Variants in LSM5 observed in about 807,000 individuals in gnomAD.
The protein encoded by LSM5 is U6 snRNA-associated Sm-like protein LSm5.
In LSM5, 8 loss-of-function variants were observed where a neutral mutation model predicts 13.8. The ratio of observed to expected loss-of-function variants is 0.58; its 90% confidence interval spans 0.34 to 1.04. The LOEUF (loss-of-function observed/expected upper bound fraction) is 1.04, where lower values mean the gene tolerates loss of function less well. LSM5 is among the 50% of genes least tolerant of loss of function. The pLI is 0.03. For missense variants in LSM5, 80 were observed against 108.1 expected (o/e 0.74, Z 1.15); for synonymous variants, 35 against 37.0 (o/e 0.95, Z 0.20).
In LSM5 at chr7:32,487,266, C is replaced by A; in HGVS notation, c.271G>T (p.Val91Leu). 1 of 1,613,808 alleles carries A rather than the reference C, an allele frequency of 6.2e-7. No homozygotes were observed. Residue 91 changes from valine to leucine, a missense_variant, in exon 5 of 5, where the codon GTG (valine) becomes TTG (leucine). By Grantham distance (32) the Val-to-Leu change is conservative. Coordinates refer to ENST00000450169, the MANE Select transcript of LSM5 (RefSeq NM_012322.3). ...TGTAAGTCAAGGAAACTCATTCACA[C>A]TTCAGGTCCTTCTCCTCCAGGAACC... ...MLVPGGEGPE[V>L]
intron 2 of LSM5, 31 bp downstream of exon 2, chr7:32,489,218 C>A (rs763408684): frequency 9.0e-7 from 1 of 1,114,478 alleles, no homozygotes; most frequent in South Asian, 1.3e-5. Flanking sequence ...TTAAGAAAAA[C>A]CTATACCACC....
rs568210202 is a variant in LSM5, at chr7:32,485,441, T to A, written c.*1820A>T. On this transcript the variant is annotated 3_prime_UTR_variant, in exon 5 of 5. Transcript: ENST00000450169. Reference sequence around the variant, plus strand: ...CAACATGCAACTACATTAAAATACATCATTTATGTCAAAAATAGCACTAAG... The same window carrying A: ...CAACATGCAACTACATTAAAATACAACATTTATGTCAAAAATAGCACTAAG... 6.6e-6 allele frequency: 1 copy of A among 152,274 alleles called. No individual in the cohort carries two copies. Among genetic ancestry groups the A allele is most frequent in the East Asian group, 1.9e-4 (1 of 5,172 alleles). 9.4% of individuals were successfully genotyped at this position (152,274 alleles called of 1,614,324 possible).
At chr7:32,491,055 A>T (rs1364382994), upstream of LSM5, among the ~76,000 whole-genome samples, 1 of 152,176 alleles carries the variant, frequency 6.6e-6, no homozygotes, top group Non-Finnish European at 1.5e-5. Context: ...GAAAACAGCA[A>T]AGTATCGGCC....
chr7:32,494,436 A>T (rs1429110264), upstream of LSM5, among the ~76,000 whole-genome samples: 1 of 152,252 alleles, frequency 6.6e-6, no homozygotes, highest in Non-Finnish European at 1.5e-5. Context: ...TGAATCACAG[A>T]AACTAAATTT....
At position 32,488,611 on chromosome 7, in the gene LSM5, T is replaced by C. The variant is rs1186520980; in HGVS notation, c.170+14A>G. 1.3e-6 allele frequency: 2 copies of C among 1,580,626 alleles called. No homozygotes were observed. The highest frequency in any genetic ancestry group is 2.7e-5 in the African/African-American group (2 of 74,168). On this transcript the variant is annotated intron_variant, in intron 3 of 4. Transcript: ENST00000450169. The stretch of plus-strand genomic sequence containing the variant: ...TTAAGAAGAGATTCCCCCCAATTCT[T>C]TAACACTACTCACAACTCAGTGACA...
chr7:32,492,321 A>C (rs980727228), upstream of LSM5, among the ~76,000 whole-genome samples: 1 of 152,308 alleles, frequency 6.6e-6, no homozygotes. Flanking sequence ...TCAAGACATG[A>C]AGACCATCCT....
rs1786465892 is a variant in LSM5, at chr7:32,487,085, C to CT, written c.*175dup. 9.4e-6 allele frequency: 6 copies of CT among 638,104 alleles called. No individual in the cohort carries two copies. In the South Asian group the frequency reaches 1.1e-4, roughly 12 times the overall value. 39.5% of individuals were successfully genotyped at this position (638,104 alleles called of 1,614,324 possible). A position where few individuals can be genotyped will look rare whatever the true frequency, so the allele number is the denominator to read the frequency against. On this transcript the variant is annotated 3_prime_UTR_variant, in exon 5 of 5. Coordinates refer to ENST00000450169, the MANE Select transcript of LSM5 (RefSeq NM_012322.3). ...TCTGCAAAGAAGAAGCTCTTTTCTTCTTTTTCCAGGATAATCATGATTAAC... is the reference window on the plus strand; with the variant it reads ...TCTGCAAAGAAGAAGCTCTTTTCTTCTTTTTTCCAGGATAATCATGATTAAC...
intron 3 of LSM5, 148 bp from the exon 4 acceptor site, chr7:32,487,905 G>A (rs1468625613): frequency 5.2e-6 from 3 of 580,612 alleles, no homozygotes; most frequent in African/African-American, 1.9e-5. Context: ...AGATACAAAG[G>A]TTATCCACTA....
Position 32,489,432 on chromosome 7 carries a change from AG to A in LSM5, c.47-89del, listed in dbSNP as rs1391125709. ...GGCACTCTTACTTGCATATAGTGAAAGAAAAACCAGGAAAAACATTCATTCA... is the reference window on the plus strand; with the variant it reads ...GGCACTCTTACTTGCATATAGTGAAAAAAAACCAGGAAAAACATTCATTCA... On this transcript the variant is annotated intron_variant, in intron 1 of 4. Coordinates refer to ENST00000450169, the MANE Select transcript of LSM5 (RefSeq NM_012322.3). 3 of 740,030 alleles carry A rather than the reference AG, an allele frequency of 4.1e-6. No homozygotes were observed. The Admixed American group carries it at 7.6e-5, about 19-fold the overall frequency. The allele number at this position is 740,030 out of a possible 1,614,324, so 45.8% of individuals were successfully genotyped here. A position where few individuals can be genotyped will look rare whatever the true frequency, so the allele number is the denominator to read the frequency against.
chr7:32,493,206 G>A (rs764974040), upstream of LSM5, among the ~76,000 whole-genome samples: 3 of 152,080 alleles, frequency 2.0e-5, no homozygotes, highest in Admixed American at 1.3e-4. Flanking sequence ...GTGTGCTCGC[G>A]GACTCAAGCA....
chr7:32,489,472 T>G (rs1583463483), intron 1 of LSM5, 128 bp from the exon 2 acceptor site: 1 of 637,974 alleles, frequency 1.6e-6, no homozygotes, highest in East Asian at 2.9e-5. Flanking sequence ...ACTTTAGGTC[T>G]TATAATACAA....
Position 32,487,146 on chromosome 7 carries a change from C to G in LSM5, c.*115G>C. The G allele has an allele frequency of 1.1e-6, 1 of 893,452 alleles. No individual in the cohort carries two copies. The highest frequency in any genetic ancestry group is 1.8e-6 in the Non-Finnish European group (1 of 554,628). The allele number at this position is 893,452 out of a possible 1,614,324, so 55.3% of individuals were successfully genotyped here. On this transcript the variant is annotated 3_prime_UTR_variant, in exon 5 of 5. Transcript: ENST00000450169. ...GGGTACACATCTTCAAAGCACTTCC[C>G]TTTAACGGGAAACTTAGCTTTATGG...
At chr7:32,488,719 T>C in intron 2 of LSM5, 67 bp from the exon 3 acceptor site, 1 of 1,174,966 alleles carries the variant, frequency 8.5e-7, no homozygotes, top group Non-Finnish European at 1.3e-6. Flanking sequence ...TCAGCTTTTG[T>C]TTTTTGTTTT....
intron 1 of LSM5, chr7:32,490,044 G>T: frequency 7.0e-7 from 1 of 1,423,688 alleles, no homozygotes; most frequent in Non-Finnish European, 9.3e-7. Context: ...TGCAGAGGCG[G>T]GCTCACAACA....
chr7:32,487,169 T>C lies in LSM5; in HGVS notation c.*92A>G, dbSNP rs1197074989. The C allele has an allele frequency of 5.4e-6, 6 of 1,116,942 alleles. No individual in the cohort carries two copies. The highest frequency in any genetic ancestry group is 8.1e-6 in the Non-Finnish European group (6 of 743,046). 69.2% of individuals were successfully genotyped at this position (1,116,942 alleles called of 1,614,324 possible). On this transcript the variant is annotated 3_prime_UTR_variant, in exon 5 of 5. Coordinates refer to ENST00000450169, the MANE Select transcript of LSM5 (RefSeq NM_012322.3). Reference sequence around the variant, plus strand: ...CCCTTTAACGGGAAACTTAGCTTTATGGGATTTAAACATTAGAAAGTGGGA... The same window carrying C: ...CCCTTTAACGGGAAACTTAGCTTTACGGGATTTAAACATTAGAAAGTGGGA...
upstream of LSM5, among the ~76,000 whole-genome samples, chr7:32,493,194 T>C (rs1430517467): frequency 1.3e-5 from 2 of 152,176 alleles, no homozygotes; most frequent in African/African-American, 4.8e-5. Context: ...AGGAGTACAG[T>C]GGTGTGCTCG....
At chr7:32,493,147 T>C (rs551116710), upstream of LSM5, among the ~76,000 whole-genome samples, 4 of 152,322 alleles carry the variant, frequency 2.6e-5, no homozygotes, top group East Asian at 1.9e-4. Flanking sequence ...ATTTTATTTA[T>C]TAATTTAGAG....
chr7:32,485,844 G>A lies in LSM5; in HGVS notation c.*1417C>T, dbSNP rs372131278. On this transcript the variant is annotated 3_prime_UTR_variant, in exon 5 of 5. Transcript: ENST00000450169. ...GAGGCAGGACAATCACTTGAACCTG[G>A]GAGGCGGAGGTCGCGTTGATATCGC... is the stretch of plus-strand genomic sequence containing the variant. 3 of 151,912 alleles carry A rather than the reference G, an allele frequency of 2.0e-5. No individual in the cohort carries two copies. The highest frequency in any genetic ancestry group is 1.9e-4 in the East Asian group (1 of 5,172). 9.4% of individuals were successfully genotyped at this position (151,912 alleles called of 1,614,324 possible).
chr7:32,486,211 G>C lies in LSM5; in HGVS notation c.*1050C>G, dbSNP rs911766386. ...CTAGTTAGACTACTGTGGCCAGTAA[G>C]AATAGGCTAAATAATTTATAGTAAA... On this transcript the variant is annotated 3_prime_UTR_variant, in exon 5 of 5. Coordinates refer to ENST00000450169, the MANE Select transcript of LSM5 (RefSeq NM_012322.3). The C allele has an allele frequency of 1.3e-5, 2 of 152,122 alleles. No homozygotes were observed. Among genetic ancestry groups the C allele is most frequent in the Non-Finnish European group, 2.9e-5 (2 of 68,022 alleles). The allele number at this position is 152,122 out of a possible 1,614,324, so 9.4% of individuals were successfully genotyped here. A position where few individuals can be genotyped will look rare whatever the true frequency, so the allele number is the denominator to read the frequency against.
Sources: gnomAD v4.1 joint callset for allele counts (sites outside exome capture counted in the v4.1 genomes callset) on GRCh38, gnomAD v4.1.1 for gene constraint, MANE v1.5 for transcripts, NCBI Gene and HGNC (gene_info 2026-07-23, HGNC 2026-07-21) for gene names.